Variants in SOX5 observed in about 807,000 individuals in gnomAD.
The protein encoded by SOX5 is SRY-box transcription factor 5.
In SOX5, 9 loss-of-function variants were observed where a neutral mutation model predicts 92.0. The observed-to-expected ratio is 0.10, with a 90% CI of 0.06 to 0.17. The LOEUF (loss-of-function observed/expected upper bound fraction) is 0.17, where lower values mean the gene tolerates loss of function less well. SOX5 is among the 10% of genes least tolerant of loss of function. The probability of loss-of-function intolerance (pLI) is 1.00; values close to 1 mark genes in which losing one functional copy is unlikely to be tolerated. For missense variants in SOX5, 642 were observed against 944.5 expected, an observed-to-expected ratio of 0.68 and a Z score of 4.20; for synonymous variants, 344 against 336.3, an observed-to-expected ratio of 1.02 and a Z score of -0.25.
intron 2 of SOX5, among the ~76,000 whole-genome samples, chr12:24,348,071 CAG>C (rs1159341752): frequency 2.1e-5 from 2 of 95,512 alleles, no homozygotes; most frequent in African/African-American, 4.1e-5. Context: ...AAAAAAAAAA[CAG>C]AAATTCACCA....
chr12:24,044,068 T>C (rs1956778356), intron 4 of SOX5, among the ~76,000 whole-genome samples: 2 of 152,274 alleles, frequency 1.3e-5, no homozygotes, highest in Admixed American at 1.3e-4. Flanking sequence ...AAAGGAATGA[T>C]CAATGTCTTT....
intron 2 of SOX5, among the ~76,000 whole-genome samples, chr12:24,280,122 C>T (rs1379399705): frequency 6.6e-6 from 1 of 151,994 alleles, no homozygotes; most frequent in Non-Finnish European, 1.5e-5. Context: ...ACTAATGTAC[C>T]CTAGTGTCTG....
chr12:24,178,102 G>A (rs1466741073), intron 4 of SOX5, among the ~76,000 whole-genome samples: 1 of 152,130 alleles, frequency 6.6e-6, no homozygotes, highest in African/African-American at 2.4e-5. Context: ...TTAATTGAGT[G>A]TCCATGTGGT....
intron 8 of SOX5, among the ~76,000 whole-genome samples, chr12:23,630,957 TTG>T (rs1341828588): frequency 3.3e-5 from 5 of 151,978 alleles, no homozygotes; most frequent in African/African-American, 1.2e-4. Context: ...GACATTAAAT[TTG>T]TGTGTGTGTA....
chr12:24,081,838 G>A (rs919275033), intron 4 of SOX5, among the ~76,000 whole-genome samples: 1 of 151,868 alleles, frequency 6.6e-6, no homozygotes, highest in East Asian at 1.9e-4. Flanking sequence ...TCTATCAAAC[G>A]TGTCTTTCTT....
At chr12:24,546,275 C>T (rs1952615498) in intron 1 of SOX5, among the ~76,000 whole-genome samples, 1 of 152,174 alleles carries the variant, frequency 6.6e-6, no homozygotes, top group Admixed American at 6.5e-5. Flanking sequence ...GCAAAGACAG[C>T]ATTTTAACTG....
chr12:24,152,690 AT>A (rs1951775491), intron 4 of SOX5, among the ~76,000 whole-genome samples: 1 of 152,172 alleles, frequency 6.6e-6, no homozygotes, highest in Admixed American at 6.6e-5. Flanking sequence ...TGAAAAAAAA[AT>A]CATCTTAAAT....
intron 8 of SOX5, among the ~76,000 whole-genome samples, chr12:23,631,260 A>T (rs1044764662): frequency 2.0e-5 from 3 of 152,074 alleles, no homozygotes; most frequent in Non-Finnish European, 4.4e-5. Flanking sequence ...TACTCCGAAG[A>T]TTGAATTTGT....
In SOX5 at chr12:24,331,828, G is replaced by T. The variant is rs1280497054; in HGVS notation, c.-174+36735C>A. On this transcript the variant is annotated intron_variant, in intron 2 of 4. Transcript: ENST00000446891. The stretch of plus-strand genomic sequence containing the variant: ...ATGCCACTGCACTCCAACCAGCCTG[G>T]GAACAGAGCAAGACTGTCTCAAAAA... Among the ~76,000 whole-genome samples the T allele has an allele frequency of 1.8e-5, 2 of 110,286 alleles. 1 individual carries two copies. The highest frequency in any genetic ancestry group is 7.2e-5 in the African/African-American group (2 of 27,906). 72.4% of individuals were successfully genotyped at this position (110,286 alleles called of 152,430 possible).
At chr12:23,961,629 A>G (rs1946943813) in intron 4 of SOX5, among the ~76,000 whole-genome samples, 1 of 151,782 alleles carries the variant, frequency 6.6e-6, no homozygotes, top group Non-Finnish European at 1.5e-5. Context: ...ATCACCTGTC[A>G]CTCTTCTTCT....
At chr12:23,921,862 C>T (rs910747387) in intron 1 of SOX5, among the ~76,000 whole-genome samples, 2 of 152,164 alleles carry the variant, frequency 1.3e-5, no homozygotes, top group Non-Finnish European at 2.9e-5. Context: ...GAATCCAAAC[C>T]GGAAAACAGA....
At chr12:24,157,619 C>T (rs1444705690) in intron 4 of SOX5, among the ~76,000 whole-genome samples, 1 of 152,078 alleles carries the variant, frequency 6.6e-6, no homozygotes, top group Non-Finnish European at 1.5e-5. Context: ...TCAATGTACT[C>T]TGAATTTCAA....
At chr12:23,948,439 A>C (rs1462887677) in intron 1 of SOX5, among the ~76,000 whole-genome samples, 1 of 151,942 alleles carries the variant, frequency 6.6e-6, no homozygotes, top group Non-Finnish European at 1.5e-5. Flanking sequence ...TATCAAATTC[A>C]GTCGTTTGAG....
intron 1 of SOX5, among the ~76,000 whole-genome samples, chr12:24,554,826 G>A (rs2139005377): frequency 6.6e-6 from 1 of 152,192 alleles, no homozygotes; most frequent in South Asian, 2.1e-4. Flanking sequence ...GCCGACTCTG[G>A]CCCAAAAAAA....
At chr12:24,153,780 G>A (rs975470433) in intron 4 of SOX5, among the ~76,000 whole-genome samples, 2 of 152,122 alleles carry the variant, frequency 1.3e-5, no homozygotes, top group South Asian at 2.1e-4. Context: ...AGATGATCCT[G>A]ATCTGTGAAA....
At chr12:23,930,560 T>A (rs1247647060) in intron 1 of SOX5, among the ~76,000 whole-genome samples, 2 of 151,742 alleles carry the variant, frequency 1.3e-5, no homozygotes, top group Non-Finnish European at 3.0e-5. Context: ...ACTTAGTACA[T>A]GCTGAATCCT....
Position 23,756,335 on chromosome 12 carries a change from G to T in SOX5, c.482-611C>A, listed in dbSNP as rs144585318. Among the ~76,000 whole-genome samples the T allele has an allele frequency of 4.8e-3, 729 of 151,832 alleles. 7 individuals are homozygous for T. Among genetic ancestry groups the T allele is most frequent in the Middle Eastern group, 0.024 (7 of 294 alleles). Reference sequence around the variant, plus strand: ...TGCCTATAATGGAAACCTATTATTTGCTTATTTCAGATTTGTATCACACTC... The same window carrying T: ...TGCCTATAATGGAAACCTATTATTTTCTTATTTCAGATTTGTATCACACTC... On this transcript the variant is annotated intron_variant, in intron 3 of 14. Coordinates refer to ENST00000451604, the MANE Select transcript of SOX5 (RefSeq NM_006940.6).
chr12:23,980,690 G>A (rs906293660), intron 4 of SOX5, among the ~76,000 whole-genome samples: 1 of 151,962 alleles, frequency 6.6e-6, no homozygotes, highest in Non-Finnish European at 1.5e-5. Flanking sequence ...CCCCTCTTCC[G>A]TTTTCCCCTC....
intron 1 of SOX5, among the ~76,000 whole-genome samples, chr12:24,509,686 C>T (rs984770355): frequency 6.6e-5 from 10 of 152,130 alleles, no homozygotes; most frequent in African/African-American, 2.4e-4. Flanking sequence ...CAGAATGCCC[C>T]GGCCTCTCAT....
Sources: gnomAD v4.1 joint callset for allele counts (sites outside exome capture counted in the v4.1 genomes callset) on GRCh38, gnomAD v4.1.1 for gene constraint, MANE v1.5 for transcripts, NCBI Gene and HGNC (gene_info 2026-07-23, HGNC 2026-07-21) for gene names.